Variants in FOXP2 observed in about 807,000 individuals in gnomAD.
FOXP2 encodes the protein forkhead box protein P2.
In FOXP2, 12 loss-of-function variants were observed where a neutral mutation model predicts 115.8. The ratio of observed to expected loss-of-function variants is 0.10; its 90% CI spans 0.07 to 0.17. FOXP2 has a LOEUF of 0.17. Ranked by LOEUF, FOXP2 falls within the 10% of genes least tolerant of loss-of-function variation. The pLI, the probability that FOXP2 is intolerant of heterozygous loss-of-function variation, is 1.00. For synonymous variants in FOXP2, 328 were observed against 297.7 expected, an observed-to-expected ratio of 1.10 and a Z score of -1.05; for missense variants, 629 against 843.5, an observed-to-expected ratio of 0.75 and a Z score of 3.15.
At chr7:114,586,390 G>A (rs939656125) in intron 3 of FOXP2, among the ~76,000 whole-genome samples, 1 of 152,000 alleles carries the variant, frequency 6.6e-6, no homozygotes, top group African/African-American at 2.4e-5. Context: ...ACTGTAATGT[G>A]ATTTATTGGA....
intron 13 of FOXP2, 29 bp downstream of exon 13, chr7:114,659,702 G>A (rs769218379): frequency 1.3e-6 from 2 of 1,529,520 alleles, no homozygotes; most frequent in Admixed American, 1.7e-5. Flanking sequence ...GTTTTAAGAT[G>A]CCTACCACAG....
chr7:114,676,087 T>C, intron 16 of FOXP2, among the ~76,000 whole-genome samples: 1 of 145,188 alleles, frequency 6.9e-6, no homozygotes, highest in Non-Finnish European at 1.5e-5. Flanking sequence ...TTTTTTTTTT[T>C]TTTTTTTTTT....
intron 2 of FOXP2, among the ~76,000 whole-genome samples, chr7:114,367,150 G>A (rs1791900988): frequency 6.6e-6 from 1 of 152,016 alleles, no homozygotes; most frequent in Non-Finnish European, 1.5e-5. Flanking sequence ...ACTCATATGA[G>A]TTAAAAAGCT....
Position 114,690,423 on chromosome 7 carries a change from G to A in FOXP2, c.*497G>A, listed in dbSNP as rs962281524. The stretch of plus-strand genomic sequence containing the variant: ...ATTGTTTTTAATTTGCACAGGAGTA[G>A]TATCAGAAATTAGTGTCACTGCTTG... On this transcript the variant is annotated 3_prime_UTR_variant, in exon 17 of 17. Transcript: ENST00000350908. The A allele has an allele frequency of 6.6e-6, 3 of 453,714 alleles. No individual in the cohort carries two copies. Among genetic ancestry groups the A allele is most frequent in the African/African-American group, 2.0e-5 (1 of 49,970 alleles). The allele number at this position is 453,714 out of a possible 1,614,324, so 28.1% of individuals were successfully genotyped here. A position where few individuals can be genotyped will look rare whatever the true frequency, so the allele number is the denominator to read the frequency against.
chr7:114,599,538 T>C (rs1802909939), intron 3 of FOXP2, among the ~76,000 whole-genome samples: 1 of 152,172 alleles, frequency 6.6e-6, no homozygotes, highest in Non-Finnish European at 1.5e-5. Context: ...GATTTTCTAC[T>C]ATTTTTGGTA....
chr7:114,523,000 T>C, intron 2 of FOXP2, among the ~76,000 whole-genome samples: 1 of 151,790 alleles, frequency 6.6e-6, no homozygotes, highest in South Asian at 2.1e-4. Context: ...TTATATGATC[T>C]AAATATAAAT....
intron 3 of FOXP2, among the ~76,000 whole-genome samples, chr7:114,606,370 C>A (rs1660493160): frequency 6.6e-6 from 1 of 152,174 alleles, no homozygotes; most frequent in African/African-American, 2.4e-5. Flanking sequence ...CCAAAGCCAA[C>A]TCACAGTCAA....
At chr7:114,611,846 A>T (rs982012079) in intron 3 of FOXP2, among the ~76,000 whole-genome samples, 1 of 152,166 alleles carries the variant, frequency 6.6e-6, no homozygotes, top group Admixed American at 6.5e-5. Context: ...GTGAACAAAT[A>T]ATGCTGCCTT....
intron 2 of FOXP2, among the ~76,000 whole-genome samples, chr7:114,289,744 T>C (rs1234664096): frequency 1.3e-5 from 2 of 152,008 alleles, no homozygotes; most frequent in African/African-American, 4.8e-5. Flanking sequence ...TTGGTAGTTA[T>C]GTGCTTATAG....
intron 2 of FOXP2, among the ~76,000 whole-genome samples, chr7:114,469,062 C>A (rs748376202): frequency 6.6e-6 from 1 of 152,088 alleles, no homozygotes. Flanking sequence ...TTGGCACTCT[C>A]GTGGCCTGTG....
At chr7:114,205,728 C>T (rs1794183631) in intron 1 of FOXP2, among the ~76,000 whole-genome samples, 1 of 152,158 alleles carries the variant, frequency 6.6e-6, no homozygotes, top group Non-Finnish European at 1.5e-5. Context: ...ATGGAGGCCT[C>T]ACAGACCTCA....
chr7:114,098,930 G>C (rs1799710437), intron 1 of FOXP2, among the ~76,000 whole-genome samples: 1 of 152,146 alleles, frequency 6.6e-6, no homozygotes, highest in Non-Finnish European at 1.5e-5. Context: ...TTGATCCCAG[G>C]AGTGGGATCA....
rs1793747265 is a variant in FOXP2, at chr7:114,424,392, T to C, written c.-10-2110T>C. 2.0e-5 allele frequency among the ~76,000 whole-genome samples: 3 copies of C among 151,508 alleles called. No homozygotes were observed. In the South Asian group the frequency reaches 6.2e-4, roughly 31 times the overall value. On this transcript the variant is annotated intron_variant, in intron 1 of 16. Transcript: ENST00000350908. ...TAAATATTTCAAATAACTTAGGTGA[T>C]GAAATAAAAACATACACATATATAC...
intron 1 of FOXP2, among the ~76,000 whole-genome samples, chr7:114,191,328 C>T (rs949420986): frequency 3.3e-5 from 5 of 152,068 alleles, no homozygotes; most frequent in African/African-American, 1.2e-4. Context: ...GAGAAAGAAG[C>T]AATCTCTAAT....
upstream of FOXP2, among the ~76,000 whole-genome samples, chr7:114,160,715 G>C (rs572934969): frequency 1.6e-4 from 25 of 151,724 alleles, no homozygotes; most frequent in Admixed American, 1.6e-3. Context: ...TTAGGGTTAA[G>C]GTTAAGAAAA....
chr7:114,467,401 G>T (rs1280872901), intron 2 of FOXP2, among the ~76,000 whole-genome samples: 1 of 152,122 alleles, frequency 6.6e-6, no homozygotes, highest in Non-Finnish European at 1.5e-5. Flanking sequence ...AGAAGTGCCT[G>T]TAAACTCCAA....
At chr7:114,197,489 T>G (rs1459162427) in intron 1 of FOXP2, among the ~76,000 whole-genome samples, 1 of 152,150 alleles carries the variant, frequency 6.6e-6, no homozygotes, top group Non-Finnish European at 1.5e-5. Context: ...TCATATGGGC[T>G]TCACCCTCAT....
chr7:114,649,178 A>G (rs1806091692), intron 8 of FOXP2, among the ~76,000 whole-genome samples: 1 of 152,090 alleles, frequency 6.6e-6, no homozygotes, highest in Non-Finnish European at 1.5e-5. Flanking sequence ...GTGAAATAGA[A>G]CTACCAATAA....
intron 1 of FOXP2, among the ~76,000 whole-genome samples, chr7:114,236,798 A>G (rs1053150556): frequency 1.3e-5 from 2 of 152,014 alleles, no homozygotes; most frequent in African/African-American, 4.8e-5. Context: ...CCAACATAGC[A>G]AAACCCCTTC....
Sources: gnomAD v4.1 joint callset for allele counts (sites outside exome capture counted in the v4.1 genomes callset) on GRCh38, gnomAD v4.1.1 for gene constraint, MANE v1.5 for transcripts, NCBI Gene and HGNC (gene_info 2026-07-23, HGNC 2026-07-21) for gene names.